The following GULP1 variants were observed in gnomAD, a reference collection of about 807,000 sequenced individuals.
The protein encoded by GULP1 is PTB domain-containing engulfment adapter protein 1.
In GULP1, 19 loss-of-function variants were observed where a neutral mutation model predicts 40.9. The observed-to-expected ratio is 0.46, with a 90% confidence interval of 0.32 to 0.68. GULP1 has a LOEUF of 0.68. Ranked by LOEUF, GULP1 falls within the 30% of genes least tolerant of loss-of-function variation. GULP1 has a pLI of 0.03. For missense variants in GULP1, 312 were observed against 362.2 expected, an observed-to-expected ratio of 0.86 and a Z score of 1.12; for synonymous variants, 119 against 117.6, an observed-to-expected ratio of 1.01 and a Z score of -0.08.
chr2:188,460,290 T>A (rs951716811), intron 2 of GULP1, among the ~76,000 whole-genome samples: 1 of 152,184 alleles, frequency 6.6e-6, no homozygotes, highest in Non-Finnish European at 1.5e-5. Flanking sequence ...TGGAATATCT[T>A]TGCATTTTCT....
intron 1 of GULP1, among the ~76,000 whole-genome samples, chr2:188,340,160 A>G (rs566823590): frequency 6.6e-6 from 1 of 152,342 alleles, no homozygotes; most frequent in South Asian, 2.1e-4. Context: ...GGGGCAAGGA[A>G]CCCTTCAGTT....
At chr2:188,473,549 C>T (rs985692674) in intron 2 of GULP1, among the ~76,000 whole-genome samples, 5 of 152,142 alleles carry the variant, frequency 3.3e-5, no homozygotes, top group Non-Finnish European at 5.9e-5. Flanking sequence ...CACCCCATGG[C>T]AACTGTCACT....
At chr2:188,535,600 C>T (rs1004246365) in intron 6 of GULP1, among the ~76,000 whole-genome samples, 4 of 151,884 alleles carry the variant, frequency 2.6e-5, no homozygotes, top group Admixed American at 1.3e-4. Context: ...ATGGGCACCT[C>T]GGTTAATTAC....
intron 5 of GULP1, 149 bp from the exon 6 acceptor site, chr2:188,528,948 T>C: frequency 2.0e-6 from 1 of 511,956 alleles, no homozygotes; most frequent in Non-Finnish European, 3.5e-6. Flanking sequence ...TTAAATATAT[T>C]GAGACTATCT....
chr2:188,530,004 AAC>A, intron 6 of GULP1, among the ~76,000 whole-genome samples: 1 of 152,308 alleles, frequency 6.6e-6, no homozygotes, highest in Middle Eastern at 3.4e-3. Context: ...TTATAGGCTG[AAC>A]ACAGACTCAA....
At chr2:188,411,537 A>C (rs1350569580) in intron 2 of GULP1, among the ~76,000 whole-genome samples, 1 of 152,186 alleles carries the variant, frequency 6.6e-6, no homozygotes, top group Non-Finnish European at 1.5e-5. Context: ...AGAAAGGGTC[A>C]TCCTACCCAG....
chr2:188,297,721 G>C (rs1201618806), intron 1 of GULP1: 1 of 243,344 alleles, frequency 4.1e-6, no homozygotes, highest in African/African-American at 2.4e-5. Context: ...TTAATGATTT[G>C]CCTGTTTATA....
intron 1 of GULP1, among the ~76,000 whole-genome samples, chr2:188,310,049 C>A (rs2037807733): frequency 6.6e-6 from 1 of 152,158 alleles, no homozygotes; most frequent in African/African-American, 2.4e-5. Context: ...TACAATGAGG[C>A]AATTTCAATC....
chr2:188,317,432 C>T (rs1163580415), intron 1 of GULP1, among the ~76,000 whole-genome samples: 1 of 152,122 alleles, frequency 6.6e-6, no homozygotes, highest in East Asian at 1.9e-4. Context: ...GAAGCAGTGA[C>T]AACCAGAGAG....
intron 2 of GULP1, among the ~76,000 whole-genome samples, chr2:188,407,136 A>C (rs146049782): frequency 6.6e-6 from 1 of 152,240 alleles, no homozygotes; most frequent in Non-Finnish European, 1.5e-5. Flanking sequence ...CTGCCAACCA[A>C]GAATATTTTA....
chr2:188,584,642 T>A (rs1026047990), intron 10 of GULP1, among the ~76,000 whole-genome samples: 1 of 152,006 alleles, frequency 6.6e-6, no homozygotes, highest in African/African-American at 2.4e-5. Flanking sequence ...AATTATGTTT[T>A]GGTGTATTAC....
intron 4 of GULP1, among the ~76,000 whole-genome samples, chr2:188,491,985 G>A (rs1029704868): frequency 6.6e-6 from 1 of 151,892 alleles, no homozygotes; most frequent in Non-Finnish European, 1.5e-5. Context: ...CTAGAACTAA[G>A]TGGTTTATTT....
At chr2:188,435,816 A>G (rs1250209248) in intron 2 of GULP1, among the ~76,000 whole-genome samples, 2 of 152,046 alleles carry the variant, frequency 1.3e-5, no homozygotes, top group Admixed American at 1.3e-4. Context: ...TACTTTTTGT[A>G]GTCTCTAATG....
At chr2:188,471,557 TAC>T (rs1423486928) in intron 2 of GULP1, among the ~76,000 whole-genome samples, 1 of 152,286 alleles carries the variant, frequency 6.6e-6, no homozygotes, top group East Asian at 1.9e-4. Flanking sequence ...GGTTTGAGGT[TAC>T]AATGAGGCTT....
Position 188,415,704 on chromosome 2 carries a change from A to C in GULP1, c.-45+31815A>C, listed in dbSNP as rs1052588667. ...ATGCCAATTTTCTGATTGTAAGTCC[A>C]TCTTTTTCCATTATAGGATTAAAAG... On this transcript the variant is annotated intron_variant, in intron 2 of 11. Transcript: ENST00000409830. 5.3e-5 allele frequency among the ~76,000 whole-genome samples: 8 copies of C among 152,174 alleles called. 1 individual carries two copies. The highest frequency in any genetic ancestry group is 4.6e-4 in the Admixed American group (7 of 15,276).
chr2:188,555,315 T>A (rs935876154), intron 7 of GULP1, among the ~76,000 whole-genome samples: 6 of 152,086 alleles, frequency 3.9e-5, no homozygotes, highest in African/African-American at 1.4e-4. Context: ...TACCAATGAG[T>A]TTTATACTTT....
chr2:188,564,291 G>A (rs2153419843), intron 7 of GULP1, among the ~76,000 whole-genome samples: 1 of 151,806 alleles, frequency 6.6e-6, no homozygotes, highest in South Asian at 2.1e-4. Flanking sequence ...ACAAGGATTG[G>A]AAAGAAATAG....
chr2:188,552,796 G>T (rs1395591114), intron 7 of GULP1, among the ~76,000 whole-genome samples: 1 of 150,906 alleles, frequency 6.6e-6, no homozygotes, highest in African/African-American at 2.4e-5. Flanking sequence ...TCTTTTATCA[G>T]TCAATAAATA....
chr2:188,499,538 AT>A (rs1466606322), intron 4 of GULP1, among the ~76,000 whole-genome samples: 2 of 151,674 alleles, frequency 1.3e-5, no homozygotes, highest in Non-Finnish European at 2.9e-5. Context: ...CCTTACATAT[AT>A]TTATGCTTTT....
Sources: gnomAD v4.1 joint callset for allele counts (sites outside exome capture counted in the v4.1 genomes callset) on GRCh38, gnomAD v4.1.1 for gene constraint, MANE v1.5 for transcripts, NCBI Gene and HGNC (gene_info 2026-07-23, HGNC 2026-07-21) for gene names.